Variants in FDFT1 observed in about 807,000 individuals in gnomAD.
The protein encoded by FDFT1 is squalene synthase.
A neutral mutation model predicts 46.8 loss-of-function variants in FDFT1; 68 were observed. The ratio of observed to expected loss-of-function variants is 1.45; its 90% confidence interval spans 1.19 to 1.78. The LOEUF (loss-of-function observed/expected upper bound fraction) is 1.78. Among genes scored for constraint, FDFT1 ranks in the 40% most tolerant of loss-of-function variants. The pLI is 0.00. For missense variants in FDFT1, 928 were observed against 524.4 expected (o/e 1.77, Z -7.52); for synonymous variants, 351 against 185.1 (o/e 1.90, Z -7.28).
At chr8:11,800,447 T>C (rs576898522), upstream of FDFT1, among the ~76,000 whole-genome samples, 3 of 152,146 alleles carry the variant, frequency 2.0e-5, no homozygotes, top group Admixed American at 6.5e-5. Flanking sequence ...CTAGTTTCCA[T>C]TGGCTGGAAC....
rs138224306 is a variant in FDFT1 at position 11,808,941 on chromosome 8, C to G, written c.197+50C>G. On this transcript the variant is annotated intron_variant, in intron 2 of 7. Coordinates refer to ENST00000220584, the MANE Select transcript of FDFT1 (RefSeq NM_004462.5). ...GGCTTGGAGGAAAGCTTGTCCGGGA[C>G]CTTTGAGTGTGTTGGAAGCTACCTT... is the stretch of plus-strand genomic sequence containing the variant. 1.8e-4 allele frequency: 290 copies of G among 1,591,538 alleles called. 1 individual carries two copies. In the African/African-American group the frequency reaches 2.4e-3, roughly 13 times the overall value.
rs1216234228 is a variant in FDFT1, at chr8:11,807,680, ACACAGT to A, written c.100-1112_100-1107del. Reference sequence around the variant, plus strand: ...CAGGCTTTTTCTCCCTTTTGGAAAAACACAGTCCTTGTTTGCTTTAGGGAAGAGTAA... The same window carrying A: ...CAGGCTTTTTCTCCCTTTTGGAAAAACCTTGTTTGCTTTAGGGAAGAGTAA... On this transcript the variant is annotated intron_variant, in intron 1 of 7. Transcript: ENST00000220584. Among the ~76,000 whole-genome samples, 3 of 152,332 alleles carry A rather than the reference ACACAGT, an allele frequency of 2.0e-5. No homozygotes were observed. The East Asian group carries it at 5.8e-4, about 29-fold the overall frequency.
At position 11,802,871 on chromosome 8, in the gene FDFT1, C is replaced by G. The variant is rs749110405; in HGVS notation, c.39C>G (p.Phe13Leu). The part of the protein sequence containing the change: ...FVKCLGHPEE[F>L]YNLVRFRIGG... ...AATGCCTTGGCCACCCCGAAGAGTT[C>G]TACAACCTGGTGCGCTTCCGGATCG... The change falls in exon 1 of 8, where the codon TTC becomes TTG. Residue 13 changes from phenylalanine to leucine, a missense_variant. Coordinates refer to ENST00000220584, the MANE Select transcript of FDFT1 (RefSeq NM_004462.5). The G allele has an allele frequency of 8.7e-6, 14 of 1,612,400 alleles. No homozygotes were observed. The highest frequency in any genetic ancestry group is 1.3e-5 in the African/African-American group (1 of 74,978).
At chr8:11,815,004 G>A (rs1234510011) in intron 3 of FDFT1, among the ~76,000 whole-genome samples, 1 of 152,046 alleles carries the variant, frequency 6.6e-6, no homozygotes, top group Non-Finnish European at 1.5e-5. Context: ...TTCTCGTAAT[G>A]CTATCCCTCC....
intron 3 of FDFT1, among the ~76,000 whole-genome samples, chr8:11,813,390 G>A (rs1229050825): frequency 6.6e-6 from 1 of 152,034 alleles, no homozygotes; most frequent in African/African-American, 2.4e-5. Context: ...ATATTTCATC[G>A]TTAATTTACT....
chr8:11,836,308 G>A (rs1811530359), intron 7 of FDFT1, among the ~76,000 whole-genome samples: 1 of 152,214 alleles, frequency 6.6e-6, no homozygotes, highest in Non-Finnish European at 1.5e-5. Flanking sequence ...GTGTGTCACT[G>A]CCACTCATCT....
At position 11,802,931 on chromosome 8, in the gene FDFT1, G is replaced by C; in HGVS notation, c.99G>C (p.Gln33His). 3 of 1,603,374 alleles carry C rather than the reference G, an allele frequency of 1.9e-6. No homozygotes were observed. The highest frequency in any genetic ancestry group is 1.7e-6 in the Non-Finnish European group (2 of 1,174,986). Reference protein sequence around the residue: ...GKRKVMPKMDQDSLSSSLKTC... With the variant: ...GKRKVMPKMDHDSLSSSLKTC... ...GGAAGGTGATGCCCAAGATGGACCA[G>C]GTGGGCCGAGCCTCCCTGCTTGCCC... The change falls in exon 1 of 8, where the codon CAG becomes CAC. Residue 33 changes from glutamine to histidine, a missense_variant and splice_region_variant. By Grantham distance (24) the Gln-to-His change is conservative. Transcript: ENST00000220584.
In FDFT1 at chr8:11,802,745, C is replaced by G; in HGVS notation, c.-88C>G. 2 of 1,009,020 alleles carry G rather than the reference C, an allele frequency of 2.0e-6. No homozygotes were observed. The highest frequency in any genetic ancestry group is 3.0e-6 in the Non-Finnish European group (2 of 657,288). 62.5% of individuals were successfully genotyped at this position (1,009,020 alleles called of 1,614,324 possible). A position where few individuals can be genotyped will look rare whatever the true frequency, so the allele number is the denominator to read the frequency against. ...CCCCTGTCCGGCCAGCCCCTCGAAG[C>G]ACCTACTCCACAGGTCCAGCCGGCC... is the stretch of plus-strand genomic sequence containing the variant. On this transcript the variant is annotated 5_prime_UTR_variant, in exon 1 of 8. Coordinates refer to ENST00000220584, the MANE Select transcript of FDFT1 (RefSeq NM_004462.5).
chr8:11,816,056 G>GA (rs1808404911), intron 3 of FDFT1, among the ~76,000 whole-genome samples: 1 of 152,180 alleles, frequency 6.6e-6, no homozygotes, highest in African/African-American at 2.4e-5. Flanking sequence ...AAGATGTAAG[G>GA]AAGGGATCCA....
chr8:11,817,219 C>T (rs777087902), intron 3 of FDFT1, among the ~76,000 whole-genome samples: 5 of 152,106 alleles, frequency 3.3e-5, no homozygotes, highest in South Asian at 2.1e-4. Context: ...GGGATGAAGC[C>T]GACTTGATCG....
Position 11,831,397 on chromosome 8 carries a change from C to T in FDFT1, c.880-121C>T, listed in dbSNP as rs750480553. 2.0e-4 allele frequency: 161 copies of T among 801,068 alleles called. 1 individual carries two copies. In the Middle Eastern group the frequency reaches 3.9e-3, roughly 20 times the overall value. 49.6% of individuals were successfully genotyped at this position (801,068 alleles called of 1,614,324 possible). On this transcript the variant is annotated intron_variant, in intron 6 of 7. Coordinates refer to ENST00000220584, the MANE Select transcript of FDFT1 (RefSeq NM_004462.5). ...GTGGGTATTTTTTCTTGAGCGATTCCATCTTAGTTGATTAGCAGTTAGCAA... is the reference window on the plus strand; with the variant it reads ...GTGGGTATTTTTTCTTGAGCGATTCTATCTTAGTTGATTAGCAGTTAGCAA...
upstream of FDFT1, chr8:11,798,103 G>A (rs1805745940): frequency 2.1e-5 from 3 of 141,056 alleles, no homozygotes; most frequent in Admixed American, 2.1e-4. Context: ...TTGAGACGGA[G>A]TCTCACTTTG....
chr8:11,808,831 A>G lies in FDFT1; in HGVS notation c.137A>G (p.Tyr46Cys), dbSNP rs1304335518. ...LSSSLKTCYK[Y>C]LNQTSRSFAA... The stretch of plus-strand genomic sequence containing the variant: ...AGCAGCCTGAAAACTTGCTACAAGT[A>G]TCTCAATCAGACCAGTCGCAGTTTC... The change falls in exon 2 of 8, where the codon TAT becomes TGT. Residue 46 changes from tyrosine to cysteine, a missense_variant. Transcript: ENST00000220584. The G allele has an allele frequency of 8.1e-6, 13 of 1,613,986 alleles. No individual in the cohort carries two copies. The highest frequency in any genetic ancestry group is 1.1e-5 in the South Asian group (1 of 91,028).
chr8:11,809,000 T>C (rs1807321018), intron 2 of FDFT1, 109 bp downstream of exon 2: 1 of 1,489,956 alleles, frequency 6.7e-7, no homozygotes, highest in East Asian at 2.5e-5. Flanking sequence ...GCCTCGTTGC[T>C]GTGGCTTATC....
At chr8:11,827,832 G>A (rs1037891445) in intron 5 of FDFT1, among the ~76,000 whole-genome samples, 8 of 151,744 alleles carry the variant, frequency 5.3e-5, no homozygotes, top group African/African-American at 1.9e-4. Flanking sequence ...CTGAAGCCAG[G>A]ATATCGAGAC....
At chr8:11,822,151 C>G (rs1809341005) in intron 4 of FDFT1, among the ~76,000 whole-genome samples, 1 of 152,204 alleles carries the variant, frequency 6.6e-6, no homozygotes, top group Non-Finnish European at 1.5e-5. Context: ...AAGATTAAAA[C>G]TACACATCAA....
At position 11,835,455 on chromosome 8, in the gene FDFT1, C is replaced by T. The variant is rs538558933; in HGVS notation, c.1033-2933C>T. ...ATCATCAAAGGACTCAAAAGTTTTG[C>T]CACTAATTGTATTACCGGGGACTGT... On this transcript the variant is annotated intron_variant, in intron 7 of 7. Transcript: ENST00000220584. Among the ~76,000 whole-genome samples the T allele has an allele frequency of 5.2e-4, 79 of 152,284 alleles. 1 individual carries two copies. The highest frequency in any genetic ancestry group is 3.3e-3 in the South Asian group (16 of 4,826).
intron 4 of FDFT1, among the ~76,000 whole-genome samples, chr8:11,823,566 T>G (rs1809549250): frequency 6.6e-6 from 1 of 152,020 alleles, no homozygotes; most frequent in Non-Finnish European, 1.5e-5. Flanking sequence ...TTGTATTACT[T>G]TCAGTCAGAG....
chr8:11,830,246 T>G lies in FDFT1; in HGVS notation c.705T>G (p.Val235=), dbSNP rs1810585029. The part of the protein sequence containing the change: ...QGGREFWPQE[V]WSRYVKKLGD... Reference sequence around the variant, plus strand: ...CCTTAATCTTCTTATCTGTCTAGGTTTGGAGCAGGTATGTTAAGAAGTTAG... The same window carrying G: ...CCTTAATCTTCTTATCTGTCTAGGTGTGGAGCAGGTATGTTAAGAAGTTAG... The change falls in exon 6 of 8, where the codon GTT becomes GTG. Residue 235 remains valine, a splice_region_variant and synonymous_variant. Coordinates refer to ENST00000220584, the MANE Select transcript of FDFT1 (RefSeq NM_004462.5). 1 of 1,612,908 alleles carries G rather than the reference T, an allele frequency of 6.2e-7. No individual in the cohort carries two copies. Among genetic ancestry groups the G allele is most frequent in the South Asian group, 1.1e-5 (1 of 91,038 alleles).
Sources: gnomAD v4.1 joint callset for allele counts (sites outside exome capture counted in the v4.1 genomes callset) on GRCh38, gnomAD v4.1.1 for gene constraint, MANE v1.5 for transcripts, NCBI Gene and HGNC (gene_info 2026-07-23, HGNC 2026-07-21) for gene names.